The following ADAMTSL1 variants were observed in gnomAD, a reference collection of about 807,000 sequenced individuals.
ADAMTSL1 encodes the protein ADAMTS-like protein 1.
In ADAMTSL1, 126 loss-of-function variants were observed where a neutral mutation model predicts 201.8. The observed-to-expected ratio is 0.62, with a 90% CI of 0.54 to 0.72. The LOEUF is 0.72. Ranked by LOEUF, ADAMTSL1 falls within the 30% of genes least tolerant of loss-of-function variation. The pLI, the probability that ADAMTSL1 is intolerant of heterozygous loss-of-function variation, is 0.00. For synonymous variants in ADAMTSL1, 1,121 were observed against 903.4 expected, an observed-to-expected ratio of 1.24 and a Z score of -4.32; for missense variants, 2,679 against 2,277.8, an observed-to-expected ratio of 1.18 and a Z score of -3.59.
intron 2 of ADAMTSL1, among the ~76,000 whole-genome samples, chr9:18,213,359 G>C (rs539988149): frequency 6.6e-6 from 1 of 152,242 alleles, no homozygotes; most frequent in East Asian, 1.9e-4. Flanking sequence ...AATTGGTGTT[G>C]GTATCCTTCG....
intron 2 of ADAMTSL1, among the ~76,000 whole-genome samples, chr9:18,240,891 A>T (rs1345146778): frequency 1.3e-5 from 2 of 151,982 alleles, no homozygotes; most frequent in Non-Finnish European, 2.9e-5. Flanking sequence ...TCATGAACCA[A>T]CCTCTGCTAC....
At chr9:18,339,276 A>G (rs1835370946) in intron 2 of ADAMTSL1, among the ~76,000 whole-genome samples, 2 of 152,166 alleles carry the variant, frequency 1.3e-5, no homozygotes, top group Non-Finnish European at 2.9e-5. Flanking sequence ...AAACAACCCC[A>G]TTAAAAAGTA....
intron 1 of ADAMTSL1, among the ~76,000 whole-genome samples, chr9:17,951,969 T>G (rs1019562484): frequency 2.0e-5 from 3 of 151,966 alleles, no homozygotes; most frequent in Admixed American, 2.0e-4. Context: ...CCCGGCTAAT[T>G]TTTTGATTTT....
intron 1 of ADAMTSL1, among the ~76,000 whole-genome samples, chr9:18,051,160 G>C (rs1025637492): frequency 3.3e-5 from 5 of 152,168 alleles, no homozygotes; most frequent in Admixed American, 3.3e-4. Context: ...AATTAGCCGG[G>C]TGTGGTGGCG....
At chr9:18,453,905 T>G (rs1820508197) in intron 2 of ADAMTSL1, among the ~76,000 whole-genome samples, 1 of 152,206 alleles carries the variant, frequency 6.6e-6, no homozygotes, top group African/African-American at 2.4e-5. Context: ...CCCAAGCCAA[T>G]TAAGGAAACT....
At chr9:18,755,186 A>G (rs2133622114) in intron 16 of ADAMTSL1, among the ~76,000 whole-genome samples, 1 of 152,316 alleles carries the variant, frequency 6.6e-6, no homozygotes, top group East Asian at 1.9e-4. Flanking sequence ...AACCTGGACC[A>G]GAACCCAGGT....
chr9:18,255,122 A>G (rs1831631164), intron 2 of ADAMTSL1, among the ~76,000 whole-genome samples: 1 of 152,120 alleles, frequency 6.6e-6, no homozygotes, highest in Non-Finnish European at 1.5e-5. Context: ...ATTGTTTGAA[A>G]TCTTGTTTGG....
intron 1 of ADAMTSL1, among the ~76,000 whole-genome samples, chr9:17,976,375 T>C (rs1325262454): frequency 6.6e-6 from 1 of 152,060 alleles, no homozygotes; most frequent in African/African-American, 2.4e-5. Flanking sequence ...ATCTTTCCAT[T>C]TATTTATGTC....
At chr9:18,330,665 G>A (rs769751704) in intron 2 of ADAMTSL1, among the ~76,000 whole-genome samples, 41 of 152,238 alleles carry the variant, frequency 2.7e-4, no homozygotes, top group Non-Finnish European at 5.3e-4. Flanking sequence ...AATTCACAGA[G>A]TAGAAAGTGG....
chr9:18,715,915 C>G (rs199700223), intron 14 of ADAMTSL1, among the ~76,000 whole-genome samples: 39,225 of 150,032 alleles, frequency 0.26, 5,537 homozygotes, highest in Non-Finnish European at 0.32. Flanking sequence ...CAGAACAGAG[C>G]CCTCAGAAAT....
chr9:18,144,316 C>G (rs535837218), intron 1 of ADAMTSL1, among the ~76,000 whole-genome samples: 1 of 152,084 alleles, frequency 6.6e-6, no homozygotes, highest in African/African-American at 2.4e-5. Flanking sequence ...AGCGATTACT[C>G]TGCCTCAGCT....
At chr9:18,696,817 G>A (rs1246351340) in intron 13 of ADAMTSL1, among the ~76,000 whole-genome samples, 1 of 149,896 alleles carries the variant, frequency 6.7e-6, no homozygotes, top group Non-Finnish European at 1.5e-5. Context: ...TTTTCAAAAG[G>A]GTACAATCAT....
chr9:18,782,142 T>C (rs572557459), intron 19 of ADAMTSL1, among the ~76,000 whole-genome samples: 11 of 152,324 alleles, frequency 7.2e-5, no homozygotes, highest in African/African-American at 2.6e-4. Context: ...TGTTAGATAC[T>C]AGGGATGGAG....
intron 1 of ADAMTSL1, among the ~76,000 whole-genome samples, chr9:17,917,930 A>G (rs1826162805): frequency 1.3e-5 from 2 of 151,978 alleles, no homozygotes; most frequent in Non-Finnish European, 1.5e-5. Flanking sequence ...AGTTTCATCT[A>G]ACTTGTTGAA....
intron 20 of ADAMTSL1, among the ~76,000 whole-genome samples, chr9:18,802,826 C>A (rs945977125): frequency 6.6e-6 from 1 of 152,196 alleles, no homozygotes; most frequent in African/African-American, 2.4e-5. Flanking sequence ...TTTCCACCAG[C>A]AATGTAGGAT....
intron 1 of ADAMTSL1, among the ~76,000 whole-genome samples, chr9:18,134,298 A>G (rs1826068778): frequency 6.6e-6 from 1 of 152,178 alleles, no homozygotes. Flanking sequence ...GAACTTCTGC[A>G]GAGGCAAGTT....
At chr9:18,787,520 T>G (rs1821776543) in intron 19 of ADAMTSL1, among the ~76,000 whole-genome samples, 3 of 152,212 alleles carry the variant, frequency 2.0e-5, no homozygotes, top group Middle Eastern at 3.4e-3. Flanking sequence ...TCCAGAAAAG[T>G]GGTTAACTGT....
At chr9:18,163,118 G>C (rs756172489) in intron 1 of ADAMTSL1, among the ~76,000 whole-genome samples, 1 of 151,974 alleles carries the variant, frequency 6.6e-6, no homozygotes, top group Non-Finnish European at 1.5e-5. Context: ...AGCTTGAGTA[G>C]CTCAGTAGCC....
chr9:18,526,058 T>C (rs937808096), intron 2 of ADAMTSL1, among the ~76,000 whole-genome samples: 1 of 152,162 alleles, frequency 6.6e-6, no homozygotes, highest in Admixed American at 6.5e-5. Context: ...AGCCTCCCAT[T>C]ATTATTGTGT....
Sources: gnomAD v4.1 joint callset for allele counts (sites outside exome capture counted in the v4.1 genomes callset) on GRCh38, gnomAD v4.1.1 for gene constraint, MANE v1.5 for transcripts, NCBI Gene and HGNC (gene_info 2026-07-23, HGNC 2026-07-21) for gene names.